Variants in PAK3 observed in about 807,000 individuals in gnomAD.
The protein encoded by PAK3 is serine/threonine-protein kinase PAK 3.
A neutral mutation model predicts 41.0 loss-of-function variants in PAK3; 4 were observed. The observed-to-expected ratio is 0.10, with a 90% CI of 0.05 to 0.22. PAK3 has a LOEUF of 0.22. PAK3 is among the 10% of genes least tolerant of loss of function. The pLI is 1.00. For missense variants in PAK3, 205 were observed against 409.9 expected, an observed-to-expected ratio of 0.50 and a Z score of 4.32; for synonymous variants, 146 against 139.6, an observed-to-expected ratio of 1.05 and a Z score of -0.32.
chrX:111,056,787 G>A (rs1407103747), intron 1 of PAK3, among the ~76,000 whole-genome samples: 1 of 111,239 alleles, frequency 9.0e-6, no homozygotes, highest in Non-Finnish European at 1.9e-5. Flanking sequence ...CCAATGTTTT[G>A]CTATTACACA....
At chrX:111,141,291 T>C (rs925877384) in intron 5 of PAK3, among the ~76,000 whole-genome samples, 2 of 111,934 alleles carry the variant, frequency 1.8e-5, no homozygotes. Context: ...ACTGATACAT[T>C]TATTTATAAT....
intron 1 of PAK3, chrX:111,013,774 A>G (rs775779513): frequency 6.3e-5 from 7 of 110,898 alleles, no homozygotes; most frequent in Non-Finnish European, 1.3e-4. Context: ...ACAGCCCTTT[A>G]TTTTGCCTGA....
At chrX:110,959,150 G>T (rs923259672) in intron 1 of PAK3, among the ~76,000 whole-genome samples, 2 of 111,643 alleles carry the variant, frequency 1.8e-5, no homozygotes, top group African/African-American at 6.5e-5. Flanking sequence ...GGAATGTGTG[G>T]GCTAGGTCAG....
At chrX:111,104,403 C>T (rs371923367) in intron 4 of PAK3, among the ~76,000 whole-genome samples, 3 of 111,910 alleles carry the variant, frequency 2.7e-5, no homozygotes, top group South Asian at 3.8e-4. Context: ...GCATACAATG[C>T]GCCTACAGAC....
chrX:110,983,529 CGTGTGTGT>C (rs113126993), intron 1 of PAK3, among the ~76,000 whole-genome samples: 1 of 100,257 alleles, frequency 1.0e-5, no homozygotes, highest in Non-Finnish European at 2.0e-5. Flanking sequence ...TGTATGTCTG[CGTGTGTGT>C]GTGTGTGTGT....
intron 1 of PAK3, among the ~76,000 whole-genome samples, chrX:110,947,619 C>T (rs1377312255): frequency 8.9e-5 from 10 of 111,874 alleles, no homozygotes; most frequent in Admixed American, 8.5e-4. Context: ...TCCTGCAGGG[C>T]TTCTAAAAGT....
At chrX:111,081,643 T>G (rs778905187) in intron 1 of PAK3, among the ~76,000 whole-genome samples, 13 of 111,937 alleles carry the variant, frequency 1.2e-4, no homozygotes, top group Non-Finnish European at 2.3e-4. Flanking sequence ...GTAATGCATA[T>G]TTTAATTAGG....
chrX:111,126,772 T>A (rs1444749139), intron 5 of PAK3, among the ~76,000 whole-genome samples: 3 of 111,837 alleles, frequency 2.7e-5, no homozygotes, highest in Admixed American at 1.9e-4. Context: ...AATGAACAAC[T>A]GAGAAAACTA....
intron 5 of PAK3, among the ~76,000 whole-genome samples, chrX:111,124,507 G>A (rs929791590): frequency 3.6e-5 from 4 of 111,979 alleles, no homozygotes; most frequent in Admixed American, 1.9e-4. Flanking sequence ...CAGCTCTCAT[G>A]TTGTATTCAC....
At chrX:111,108,117 T>A (rs760612756) in intron 4 of PAK3, among the ~76,000 whole-genome samples, 2 of 112,165 alleles carry the variant, frequency 1.8e-5, no homozygotes, top group Non-Finnish European at 3.8e-5. Context: ...ATCTTTATCA[T>A]GAAATCCAGT....
intron 4 of PAK3, among the ~76,000 whole-genome samples, chrX:111,114,452 T>A (rs773899030): frequency 2.7e-5 from 3 of 112,387 alleles, no homozygotes; most frequent in Non-Finnish European, 5.6e-5. Flanking sequence ...AGTACCTCTC[T>A]GTTTTGGGCT....
chrX:111,138,964 C>CCAAA (rs771842943), intron 5 of PAK3, among the ~76,000 whole-genome samples: 34 of 109,279 alleles, frequency 3.1e-4, no homozygotes, highest in African/African-American at 5.7e-4. Flanking sequence ...CGAGACTCCA[C>CCAAA]CAAACAAACA....
chrX:111,114,964 C>A (rs2093436642), intron 4 of PAK3, among the ~76,000 whole-genome samples: 1 of 111,981 alleles, frequency 8.9e-6, no homozygotes, highest in African/African-American at 3.2e-5. Flanking sequence ...TGCAGTTTTC[C>A]TCCCAAAATA....
In PAK3 at chrX:111,222,288, T is replaced by TTA. The variant is rs2094931918; in HGVS notation, c.*1842_*1843insAT. ...ATCCACATCTTAAAATGAAAGCACT[T>TTA]TCTTTAGAGTTTCAGCAAACTATAT... On this transcript the variant is annotated 3_prime_UTR_variant, in exon 18 of 18. Coordinates refer to ENST00000372007, the MANE Select transcript of PAK3 (RefSeq NM_002578.5). 1 of 111,555 alleles carries TTA rather than the reference T, an allele frequency of 9.0e-6. No homozygotes were observed. Among genetic ancestry groups the TTA allele is most frequent in the East Asian group, 2.8e-4 (1 of 3,545 alleles). 9.2% of individuals were successfully genotyped at this position (111,555 alleles called of 1,213,427 possible). A position where few individuals can be genotyped will look rare whatever the true frequency, so the allele number is the denominator to read the frequency against.
chrX:111,078,643 C>T (rs759117985), intron 1 of PAK3, among the ~76,000 whole-genome samples: 1 of 110,591 alleles, frequency 9.0e-6, no homozygotes, highest in African/African-American at 3.3e-5. Flanking sequence ...TTAATAACCC[C>T]AAAACAGTCT....
In PAK3 at chrX:111,225,800, A is replaced by G. The variant is rs1239209937; in HGVS notation, c.*5353A>G. On this transcript the variant is annotated 3_prime_UTR_variant, in exon 18 of 18. Coordinates refer to ENST00000372007, the MANE Select transcript of PAK3 (RefSeq NM_002578.5). ...GGTTGCCTTGCAAATTCAGCCTGCT[A>G]TAGTGATGGCAAATATCACGTTTAA... The G allele has an allele frequency of 1.8e-5, 2 of 112,085 alleles. No individual in the cohort carries two copies. Among genetic ancestry groups the G allele is most frequent in the Admixed American group, 9.4e-5 (1 of 10,586 alleles). 9.2% of individuals were successfully genotyped at this position (112,085 alleles called of 1,213,427 possible).
intron 1 of PAK3, among the ~76,000 whole-genome samples, chrX:111,048,698 T>C (rs2092525947): frequency 8.9e-6 from 1 of 112,028 alleles, no homozygotes; most frequent in African/African-American, 3.2e-5. Flanking sequence ...CAAAAACGTA[T>C]AAAAATCCAT....
intron 8 of PAK3, among the ~76,000 whole-genome samples, chrX:111,161,819 G>T (rs2094193775): frequency 9.0e-6 from 1 of 111,056 alleles, no homozygotes; most frequent in Non-Finnish European, 1.9e-5. Flanking sequence ...TGTTCCATTG[G>T]TCTGTATCTC....
At chrX:111,031,993 TACTGTA>T (rs1197849115) in intron 1 of PAK3, among the ~76,000 whole-genome samples, 1 of 112,194 alleles carries the variant, frequency 8.9e-6, no homozygotes, top group East Asian at 2.8e-4. Context: ...TGAGACCCAC[TACTGTA>T]ACTTGTTAAT....
Sources: allele counts gnomAD v4.1 joint callset (sites outside exome capture counted in the v4.1 genomes callset), GRCh38; gene constraint gnomAD v4.1.1; transcripts MANE v1.5; gene names NCBI Gene and HGNC (gene_info 2026-07-23, HGNC 2026-07-21).